Variants in IPO11 observed in about 807,000 individuals in gnomAD.
The protein encoded by IPO11 is importin 11, also known as importin-11.
IPO11 carries 66 observed loss-of-function variants against 143.2 expected under a neutral mutation model. The ratio of observed to expected loss-of-function variants is 0.46; its 90% CI spans 0.38 to 0.57. The LOEUF (loss-of-function observed/expected upper bound fraction) is 0.57. Ranked by LOEUF, IPO11 falls within the 20% of genes least tolerant of loss-of-function variation. The probability of loss-of-function intolerance (pLI) is 0.00; values close to 1 mark genes in which losing one functional copy is unlikely to be tolerated. For missense variants in IPO11, 1,026 were observed against 1,141.0 expected, an observed-to-expected ratio of 0.90 and a Z score of 1.45; for synonymous variants, 385 against 377.8, an observed-to-expected ratio of 1.02 and a Z score of -0.22.
intron 22 of IPO11, among the ~76,000 whole-genome samples, chr5:62,536,139 A>T (rs1360300185): frequency 6.6e-6 from 1 of 152,176 alleles, no homozygotes; most frequent in East Asian, 1.9e-4. Context: ...GTTGAGAAGT[A>T]ATATCGCATA....
intron 24 of IPO11, among the ~76,000 whole-genome samples, chr5:62,548,177 G>A (rs1000914774): frequency 6.6e-6 from 1 of 152,124 alleles, no homozygotes; most frequent in Non-Finnish European, 1.5e-5. Flanking sequence ...GAGACATGTA[G>A]TCAGCTGTGA....
chr5:62,576,893 AGAG>A (rs1385340652), intron 27 of IPO11, among the ~76,000 whole-genome samples: 3 of 152,366 alleles, frequency 2.0e-5, no homozygotes, highest in Admixed American at 2.0e-4. Context: ...TGAATGGAAA[AGAG>A]AATAGTTGTG....
chr5:62,520,947 T>C (rs1742183009), intron 20 of IPO11, among the ~76,000 whole-genome samples: 1 of 152,272 alleles, frequency 6.6e-6, no homozygotes, highest in South Asian at 2.1e-4. Flanking sequence ...CCACAATGGT[T>C]GAACTAGTTT....
At chr5:62,570,721 T>A (rs1744105999) in intron 27 of IPO11, among the ~76,000 whole-genome samples, 1 of 152,172 alleles carries the variant, frequency 6.6e-6, no homozygotes, top group South Asian at 2.1e-4. Context: ...CTAGGAACAG[T>A]GCCCTGTCTG....
At chr5:62,504,425 A>G (rs1193095640) in intron 16 of IPO11, among the ~76,000 whole-genome samples, 1 of 152,196 alleles carries the variant, frequency 6.6e-6, no homozygotes, top group East Asian at 1.9e-4. Context: ...CACTGGATTA[A>G]AGGCTTATTA....
rs138991822 is a variant in IPO11, at chr5:62,515,622, TA to T, written c.1896+122del. 870 of 611,852 alleles carry T rather than the reference TA, an allele frequency of 1.4e-3. 8 individuals carry two copies. In the African/African-American group the frequency reaches 0.015, roughly 10 times the overall value. The allele number at this position is 611,852 out of a possible 1,614,324, so 37.9% of individuals were successfully genotyped here. A position where few individuals can be genotyped will look rare whatever the true frequency, so the allele number is the denominator to read the frequency against. The stretch of plus-strand genomic sequence containing the variant: ...GTAGTGAAAAACTTCACATATCTTT[TA>T]TTTTTTTTTCCATGTGTGATCTAAA... On this transcript the variant is annotated intron_variant, in intron 20 of 29. Transcript: ENST00000325324.
rs573804045 is a variant in IPO11, at chr5:62,478,403, G to A, written c.828+1650G>A. Among the ~76,000 whole-genome samples the A allele has an allele frequency of 5.3e-5, 8 of 152,266 alleles. 1 individual carries two copies. The South Asian group carries it at 1.7e-3, about 32-fold the overall frequency. ...GCTGGTCTCGAACTTCTGGGCTCAAGTGATCCACCCACTGCCACCTCCCAA... is the reference window on the plus strand; with the variant it reads ...GCTGGTCTCGAACTTCTGGGCTCAAATGATCCACCCACTGCCACCTCCCAA... On this transcript the variant is annotated intron_variant, in intron 9 of 29. Coordinates refer to ENST00000325324, the MANE Select transcript of IPO11 (RefSeq NM_016338.5).
rs543416190 is a variant in IPO11, at chr5:62,522,372, C to T, written c.1897-3770C>T. On this transcript the variant is annotated intron_variant, in intron 20 of 29. Coordinates refer to ENST00000325324, the MANE Select transcript of IPO11 (RefSeq NM_016338.5). ...CGATCTTGGCTCACTGCAACCTCCACCTCCAGAGTTCAAGTGATCCTCCTG... is the reference window on the plus strand; with the variant it reads ...CGATCTTGGCTCACTGCAACCTCCATCTCCAGAGTTCAAGTGATCCTCCTG... 1.1e-4 allele frequency among the ~76,000 whole-genome samples: 16 copies of T among 151,958 alleles called. No individual in the cohort carries two copies. The South Asian group carries it at 2.7e-3, about 26-fold the overall frequency.
At chr5:62,435,180 G>GTA (rs748245224) in intron 1 of IPO11, among the ~76,000 whole-genome samples, 4 of 92,748 alleles carry the variant, frequency 4.3e-5, no homozygotes, top group Non-Finnish European at 6.1e-5. Context: ...ATGTATATAT[G>GTA]TATATATATG....
chr5:62,414,693 G>C (rs1037563158), intron 1 of IPO11, among the ~76,000 whole-genome samples: 1 of 152,166 alleles, frequency 6.6e-6, no homozygotes, highest in African/African-American at 2.4e-5. Context: ...AGAAATGCAT[G>C]ATCTCAGGCT....
rs746401917 is a variant in IPO11 at position 62,451,766 on chromosome 5, G to T, written c.349G>T (p.Ala117Ser). The change falls in exon 5 of 30, where the codon GCT (alanine) becomes TCT (serine). Residue 117 changes from alanine to serine, a missense_variant. Ala to Ser is a moderately conservative substitution (Grantham distance 99, BLOSUM62 1). Transcript: ENST00000325324. ...GATTGCAGTGCTCATTGCAAAAGTT[G>T]CTAGATTGGATTGTCCCAGACAGTG... ...TQIAVLIAKV[A>S]RLDCPRQWPE... is the part of the protein sequence containing the mutation. The T allele has an allele frequency of 9.9e-6, 16 of 1,613,990 alleles. No individual in the cohort carries two copies. The highest frequency in any genetic ancestry group is 1.4e-5 in the Non-Finnish European group (16 of 1,180,026).
intron 20 of IPO11, among the ~76,000 whole-genome samples, chr5:62,525,397 G>A (rs1309994272): frequency 6.7e-6 from 1 of 150,142 alleles, no homozygotes; most frequent in Non-Finnish European, 1.5e-5. Flanking sequence ...AGGTGAGGAG[G>A]TCGACAGATT....
At chr5:62,508,566 TTCTTTCTTCC>T (rs1157074735) in intron 19 of IPO11, among the ~76,000 whole-genome samples, 1 of 151,942 alleles carries the variant, frequency 6.6e-6, no homozygotes, top group African/African-American at 2.4e-5. Flanking sequence ...TTCTTTCTTC[TTCTTTCTTCC>T]TCCCTTCCTC....
In IPO11 at chr5:62,627,322, C is replaced by T; in HGVS notation, c.*4C>T. ...GGAGTTTTTGCAAGGATTCTAAGAG[C>T]ACATGACATGTGGCTGCCTCCCCTT... On this transcript the variant is annotated 3_prime_UTR_variant, in exon 30 of 30. Transcript: ENST00000325324. 1 of 1,607,550 alleles carries T rather than the reference C, an allele frequency of 6.2e-7. No individual in the cohort carries two copies. Among genetic ancestry groups the T allele is most frequent in the Non-Finnish European group, 8.5e-7 (1 of 1,175,454 alleles).
chr5:62,444,440 G>A (rs987848389), intron 3 of IPO11, among the ~76,000 whole-genome samples: 6 of 152,020 alleles, frequency 3.9e-5, no homozygotes, highest in Non-Finnish European at 8.8e-5. Context: ...AGAGAAATAT[G>A]GTAAGTAGTG....
intron 20 of IPO11, among the ~76,000 whole-genome samples, chr5:62,525,016 A>T (rs1742321535): frequency 6.6e-6 from 1 of 152,212 alleles, no homozygotes; most frequent in South Asian, 2.1e-4. Context: ...CCTCCCTAAC[A>T]GTAATTCAGC....
At chr5:62,624,773 A>T (rs1439149868) in intron 29 of IPO11, among the ~76,000 whole-genome samples, 1 of 152,098 alleles carries the variant, frequency 6.6e-6, no homozygotes, top group African/African-American at 2.4e-5. Flanking sequence ...TCATGAGGTC[A>T]GGAGATCGAG....
intron 1 of IPO11, among the ~76,000 whole-genome samples, chr5:62,415,189 G>A (rs563434355): frequency 1.7e-4 from 26 of 152,034 alleles, no homozygotes; most frequent in African/African-American, 6.3e-4. Context: ...TTTTTGAGGC[G>A]GGGTCTCACT....
intron 3 of IPO11, among the ~76,000 whole-genome samples, chr5:62,446,732 G>A (rs1744732853): frequency 6.6e-6 from 1 of 152,146 alleles, no homozygotes; most frequent in African/African-American, 2.4e-5. Context: ...ACCTTGGGAG[G>A]CCGAGGCGGG....
Sources: allele counts gnomAD v4.1 joint callset (sites outside exome capture counted in the v4.1 genomes callset), GRCh38; gene constraint gnomAD v4.1.1; transcripts MANE v1.5; gene names NCBI Gene and HGNC (gene_info 2026-07-23, HGNC 2026-07-21).